The following SLC25A43 variants were observed in gnomAD, a reference collection of about 807,000 sequenced individuals.
SLC25A43 encodes solute carrier family 25 member 43.
In SLC25A43, 10 loss-of-function variants were observed where a neutral mutation model predicts 22.8. The ratio of observed to expected loss-of-function variants is 0.44; its 90% CI spans 0.27 to 0.74. The LOEUF is 0.74. Ranked by LOEUF, SLC25A43 falls within the 30% of genes least tolerant of loss-of-function variation. SLC25A43 has a pLI of 0.17. For missense variants in SLC25A43, 233 were observed against 279.1 expected (o/e 0.83, Z 1.18); for synonymous variants, 106 against 121.6 (o/e 0.87, Z 0.84).
chrX:119,409,173 T>C (rs899073296), intron 2 of SLC25A43, among the ~76,000 whole-genome samples: 21 of 107,982 alleles, frequency 1.9e-4, no homozygotes, highest in Admixed American at 1.1e-3. Context: ...TATTTATTTA[T>C]TTATTTATTT....
chrX:119,431,840 C>T (rs756942119), intron 3 of SLC25A43, among the ~76,000 whole-genome samples: 3 of 110,997 alleles, frequency 2.7e-5, no homozygotes, highest in Non-Finnish European at 5.7e-5. Context: ...TAGAGTGTGC[C>T]GCAGCAGAGG....
intron 2 of SLC25A43, among the ~76,000 whole-genome samples, chrX:119,409,923 T>G (rs1182825181): frequency 8.9e-6 from 1 of 112,565 alleles, no homozygotes; most frequent in African/African-American, 3.2e-5. Flanking sequence ...GCCGTATGGT[T>G]GTTTTTTAAA....
At chrX:119,425,749 G>GT (rs774372970) in intron 3 of SLC25A43, among the ~76,000 whole-genome samples, 25 of 107,764 alleles carry the variant, frequency 2.3e-4, no homozygotes, top group Admixed American at 2.0e-3. Flanking sequence ...CCCCACCCTT[G>GT]TTTTTTTTTC....
chrX:119,421,797 T>G (rs1366712765), intron 3 of SLC25A43, among the ~76,000 whole-genome samples: 2 of 112,212 alleles, frequency 1.8e-5, no homozygotes, highest in Non-Finnish European at 3.8e-5. Context: ...CAAGAGAAGC[T>G]GAGTTAACTA....
At chrX:119,409,728 G>C (rs1314667474) in intron 2 of SLC25A43, among the ~76,000 whole-genome samples, 1 of 110,261 alleles carries the variant, frequency 9.1e-6, no homozygotes, top group Non-Finnish European at 1.9e-5. Context: ...TGATTCTTCT[G>C]TCTCAGTCTC....
intron 4 of SLC25A43, 124 bp from the exon 5 acceptor site, chrX:119,452,741 A>G (rs2052716036): frequency 1.9e-6 from 1 of 538,588 alleles, no homozygotes; most frequent in Middle Eastern, 4.8e-4. Context: ...AAGAGTTACC[A>G]TTTGTATTGC....
At chrX:119,403,874 G>A (rs963721531) in intron 1 of SLC25A43, among the ~76,000 whole-genome samples, 2 of 110,585 alleles carry the variant, frequency 1.8e-5, no homozygotes, top group African/African-American at 3.3e-5. Flanking sequence ...CCAACTAGGT[G>A]TCCTCTGATT....
intron 3 of SLC25A43, among the ~76,000 whole-genome samples, chrX:119,433,190 G>A (rs2052569231): frequency 8.9e-6 from 1 of 112,074 alleles, no homozygotes. Flanking sequence ...TTCAGGATGA[G>A]GTGGCATCTG....
At chrX:119,413,276 C>T (rs1179108978) in intron 3 of SLC25A43, among the ~76,000 whole-genome samples, 2 of 111,511 alleles carry the variant, frequency 1.8e-5, no homozygotes, top group Non-Finnish European at 3.8e-5. Flanking sequence ...ACCCATAGCC[C>T]AACACCCATG....
chrX:119,440,134 C>A (rs2052614834), intron 3 of SLC25A43, among the ~76,000 whole-genome samples: 1 of 10,075 alleles, frequency 9.9e-5, no homozygotes, highest in Non-Finnish European at 1.4e-4. Flanking sequence ...GGTCTTTTCA[C>A]ATAGTCCCAC....
chrX:119,402,300 T>C (rs141309622), intron 1 of SLC25A43, among the ~76,000 whole-genome samples: 24 of 111,873 alleles, frequency 2.1e-4, no homozygotes, highest in African/African-American at 7.8e-4. Context: ...GGCTCCTTAG[T>C]TCAGGTCTCT....
At chrX:119,401,513 A>C (rs7063288) in intron 1 of SLC25A43, among the ~76,000 whole-genome samples, 1 of 110,432 alleles carries the variant, frequency 9.1e-6, no homozygotes, top group Non-Finnish European at 1.9e-5. Flanking sequence ...GGAGAAAAAA[A>C]TTTGAGTTTG....
At chrX:119,423,069 GC>G (rs2052468271) in intron 3 of SLC25A43, 1 of 111,325 alleles carries the variant, frequency 9.0e-6, no homozygotes, top group Non-Finnish European at 1.9e-5. Context: ...CCTGAAGTCG[GC>G]CCTGTGAAAC....
intron 1 of SLC25A43, among the ~76,000 whole-genome samples, chrX:119,403,603 T>C (rs1035750262): frequency 3.6e-5 from 4 of 112,329 alleles, no homozygotes; most frequent in African/African-American, 1.3e-4. Context: ...CAAAAATTTC[T>C]ACTTCCTCTG....
intron 1 of SLC25A43, among the ~76,000 whole-genome samples, chrX:119,402,099 T>G (rs1470006458): frequency 8.9e-6 from 1 of 112,443 alleles, no homozygotes; most frequent in Admixed American, 9.4e-5. Context: ...CATGATACTC[T>G]TGATTCATCA....
At chrX:119,416,024 A>G (rs1248517195) in intron 3 of SLC25A43, among the ~76,000 whole-genome samples, 1 of 107,752 alleles carries the variant, frequency 9.3e-6, no homozygotes, top group Non-Finnish European at 1.9e-5. Flanking sequence ...AAAAAAAAAA[A>G]AAAGAATTTT....
chrX:119,426,294 G>C, intron 3 of SLC25A43: 1 of 718,634 alleles, frequency 1.4e-6, no homozygotes, highest in Non-Finnish European at 1.7e-6. Context: ...ACTTACTCCC[G>C]CGTGAACTTG....
At chrX:119,404,550 T>C (rs947569619) in intron 1 of SLC25A43, among the ~76,000 whole-genome samples, 7 of 111,639 alleles carry the variant, frequency 6.3e-5, no homozygotes, top group Non-Finnish European at 7.5e-5. Context: ...TGTTCAGCCA[T>C]CCAGAAGGTT....
intron 1 of SLC25A43, among the ~76,000 whole-genome samples, chrX:119,403,083 C>T (rs1216625798): frequency 9.0e-6 from 1 of 110,988 alleles, no homozygotes; most frequent in Non-Finnish European, 1.9e-5. Context: ...TGTTGAACTC[C>T]CTTAGGCTCT....
Sources: gnomAD v4.1 joint callset for allele counts (sites outside exome capture counted in the v4.1 genomes callset) on GRCh38, gnomAD v4.1.1 for gene constraint, MANE v1.5 for transcripts, NCBI Gene and HGNC (gene_info 2026-07-23, HGNC 2026-07-21) for gene names.